The following TXNDC16 variants were observed in gnomAD, a reference collection of about 807,000 sequenced individuals.
The protein encoded by TXNDC16 is thioredoxin domain containing 16.
In TXNDC16, 74 loss-of-function variants were observed where a neutral mutation model predicts 85.6. That is an observed-to-expected ratio of 0.86 (90% CI 0.72 to 1.05). The LOEUF (loss-of-function observed/expected upper bound fraction) is 1.05, where lower values mean the gene tolerates loss of function less well. Among genes scored for constraint, TXNDC16 ranks in the 50% least tolerant of loss-of-function variants. The pLI, the probability that TXNDC16 is intolerant of heterozygous loss-of-function variation, is 0.00. For missense variants in TXNDC16, 959 were observed against 947.0 expected, an observed-to-expected ratio of 1.01 and a Z score of -0.17; for synonymous variants, 335 against 326.5, an observed-to-expected ratio of 1.03 and a Z score of -0.28.
chr14:52,540,934 C>G (rs2037816820), intron 4 of TXNDC16, among the ~76,000 whole-genome samples: 1 of 152,154 alleles, frequency 6.6e-6, no homozygotes, highest in Non-Finnish European at 1.5e-5. Context: ...AGCATTCTCA[C>G]TGTAAAATCA....
intron 11 of TXNDC16, 136 bp downstream of exon 11, chr14:52,490,255 G>A (rs1378496302): frequency 2.1e-5 from 11 of 528,154 alleles, no homozygotes; most frequent in Admixed American, 1.6e-4. Context: ...ACATCAAAAC[G>A]TTAACAGCAA....
Position 52,490,871 on chromosome 14 carries a change from A to G in TXNDC16, c.891T>C (p.Leu297=), listed in dbSNP as rs567417853. ...RRTAEWVAWR[L]LGKAGVLLLL... ...AGAGTAGAACTCCTGCTTTTCCCAG[A>G]AGACGCCAAGCAACCCATTCTGCAG... Residue 297 remains leucine, a synonymous_variant, in exon 10 of 21, where the codon CTT becomes CTC. Transcript: ENST00000281741. 4.3e-6 allele frequency: 7 copies of G among 1,612,408 alleles called. No individual in the cohort carries two copies. In the African/African-American group the frequency reaches 9.3e-5, roughly 22 times the overall value.
Position 52,462,401 on chromosome 14 carries a change from G to A in TXNDC16, c.1619-5227C>T, listed in dbSNP as rs558595948. ...ACAATCTTGGCTCATTGCAATCTCCGCCTCCTGGGTTGAAGCAATTCTTAT... is the reference window on the plus strand; with the variant it reads ...ACAATCTTGGCTCATTGCAATCTCCACCTCCTGGGTTGAAGCAATTCTTAT... On this transcript the variant is annotated intron_variant, in intron 16 of 20. Coordinates refer to ENST00000281741, the MANE Select transcript of TXNDC16 (RefSeq NM_020784.3). Among the ~76,000 whole-genome samples the A allele has an allele frequency of 2.4e-4, 37 of 152,254 alleles. No individual in the cohort carries two copies. The South Asian group carries it at 5.6e-3, about 23-fold the overall frequency.
At chr14:52,533,228 CT>C (rs1222617617) in intron 6 of TXNDC16, among the ~76,000 whole-genome samples, 2 of 152,156 alleles carry the variant, frequency 1.3e-5, no homozygotes, top group African/African-American at 4.8e-5. Flanking sequence ...ATTTGCTCTT[CT>C]TCCTTGCCTA....
intron 9 of TXNDC16, among the ~76,000 whole-genome samples, chr14:52,501,797 G>GA (rs2036664870): frequency 6.6e-6 from 1 of 152,094 alleles, no homozygotes. Context: ...GCGTGACTCA[G>GA]TTTTTTTAAC....
chr14:52,542,478 T>A, intron 3 of TXNDC16, 25 bp from the exon 4 acceptor site: 1 of 1,527,374 alleles, frequency 6.5e-7, no homozygotes, highest in Non-Finnish European at 9.0e-7. Context: ...GTTTCATGAA[T>A]GTTTATGAAT....
intron 20 of TXNDC16, among the ~76,000 whole-genome samples, chr14:52,435,662 T>G (rs1483366810): frequency 6.6e-6 from 1 of 152,010 alleles, no homozygotes; most frequent in Non-Finnish European, 1.5e-5. Flanking sequence ...CAAAATTGTC[T>G]TGAAAACAAA....
At chr14:52,484,293 G>A (rs1015451571) in intron 12 of TXNDC16, among the ~76,000 whole-genome samples, 3 of 151,966 alleles carry the variant, frequency 2.0e-5, no homozygotes, top group Admixed American at 1.3e-4. Context: ...TTCTCTCTCC[G>A]TATGTTCGTA....
chr14:52,504,094 C>T (rs1217252808), intron 9 of TXNDC16, among the ~76,000 whole-genome samples: 1 of 152,192 alleles, frequency 6.6e-6, no homozygotes, highest in Non-Finnish European at 1.5e-5. Flanking sequence ...CTACGTCTGA[C>T]TGGTATACCT....
At chr14:52,551,982 T>C (rs912380053) in intron 1 of TXNDC16, among the ~76,000 whole-genome samples, 4 of 152,174 alleles carry the variant, frequency 2.6e-5, no homozygotes, top group Non-Finnish European at 5.9e-5. Flanking sequence ...TCAACATCCA[T>C]CTGATACTAC....
At chr14:52,528,809 C>G (rs972993363) in intron 6 of TXNDC16, among the ~76,000 whole-genome samples, 1 of 146,474 alleles carries the variant, frequency 6.8e-6, no homozygotes, top group Non-Finnish European at 1.5e-5. Flanking sequence ...CTTTCATATA[C>G]TGGTATATAT....
In TXNDC16 at chr14:52,504,042, C is replaced by G. The variant is rs192792173; in HGVS notation, c.756+7198G>C. ...TTTAGAGAAAAAAGAATAAAAAGAA[C>G]AAAGCATCCAAGAAATATGGGACTA... On this transcript the variant is annotated intron_variant, in intron 9 of 20. Coordinates refer to ENST00000281741, the MANE Select transcript of TXNDC16 (RefSeq NM_020784.3). 6.3e-4 allele frequency among the ~76,000 whole-genome samples: 95 copies of G among 151,694 alleles called. 1 individual carries two copies. Among genetic ancestry groups the G allele is most frequent in the African/African-American group, 2.3e-3 (94 of 41,476 alleles).
chr14:52,512,022 T>G (rs1371363073), intron 8 of TXNDC16, among the ~76,000 whole-genome samples: 1 of 152,154 alleles, frequency 6.6e-6, no homozygotes, highest in African/African-American at 2.4e-5. Context: ...TTTAGAAATA[T>G]CCATATGGCA....
chr14:52,551,580 C>G (rs1364314512), intron 1 of TXNDC16, among the ~76,000 whole-genome samples: 6 of 151,682 alleles, frequency 4.0e-5, no homozygotes, highest in Admixed American at 1.3e-4. Flanking sequence ...ATACTGAATT[C>G]GTAATGTGCT....
chr14:52,514,928 G>A lies in TXNDC16; in HGVS notation c.557C>T (p.Thr186Ile). 6.2e-7 allele frequency: 1 copy of A among 1,612,870 alleles called. No individual in the cohort carries two copies. The highest frequency in any genetic ancestry group is 8.5e-7 in the Non-Finnish European group (1 of 1,179,164). Residue 186 changes from threonine (T) to isoleucine (I), a missense_variant, in exon 8 of 21, where the codon ACA becomes ATA. Transcript: ENST00000281741. ...VMEAAFVYGT[T>I]YQFVLTTEIA... ...TTCTGTGGTTAAGACAAATTGGTAT[G>A]TAGTCCCATACACAAAAGCGGCTTC...
chr14:52,439,108 A>T, intron 20 of TXNDC16, 96 bp downstream of exon 20: 1 of 1,279,614 alleles, frequency 7.8e-7, no homozygotes, highest in Non-Finnish European at 1.1e-6. Flanking sequence ...CCAGCATTTT[A>T]ATAACTCATC....
intron 12 of TXNDC16, among the ~76,000 whole-genome samples, chr14:52,486,155 TTCC>T (rs2036264510): frequency 6.6e-6 from 1 of 152,154 alleles, no homozygotes; most frequent in African/African-American, 2.4e-5. Flanking sequence ...CTGTTTCTTT[TTCC>T]TCCTTTCCCT....
intron 7 of TXNDC16, among the ~76,000 whole-genome samples, chr14:52,517,219 T>G (rs1023345161): frequency 6.6e-6 from 1 of 152,084 alleles, no homozygotes; most frequent in African/African-American, 2.4e-5. Context: ...TTATAATAAT[T>G]TCCCTGCCCC....
At chr14:52,482,589 AT>A (rs1873407219) in intron 13 of TXNDC16, among the ~76,000 whole-genome samples, 1 of 152,124 alleles carries the variant, frequency 6.6e-6, no homozygotes, top group Non-Finnish European at 1.5e-5. Context: ...GTGAGTCACA[AT>A]TTTTCAAAAT....
Sources: gnomAD v4.1 joint callset for allele counts (sites outside exome capture counted in the v4.1 genomes callset) on GRCh38, gnomAD v4.1.1 for gene constraint, MANE v1.5 for transcripts, NCBI Gene and HGNC (gene_info 2026-07-23, HGNC 2026-07-21) for gene names.